The following UBR4 variants were observed in gnomAD, a reference collection of about 807,000 sequenced individuals.
UBR4 encodes the protein E3 ubiquitin-protein ligase UBR4.
A neutral mutation model predicts 575.6 loss-of-function variants in UBR4; 124 were observed. The ratio of observed to expected loss-of-function variants is 0.22; its 90% CI spans 0.19 to 0.25. UBR4 has a LOEUF of 0.25. Ranked by LOEUF, UBR4 falls within the 10% of genes least tolerant of loss-of-function variation. The pLI is 1.00. For synonymous variants in UBR4, 2,455 were observed against 2,473.7 expected, an observed-to-expected ratio of 0.99 and a Z score of 0.22; for missense variants, 4,818 against 6,478.8, an observed-to-expected ratio of 0.74 and a Z score of 8.80.
Position 19,164,872 on chromosome 1 carries a change from C to A in UBR4, c.4438G>T (p.Asp1480Tyr), listed in dbSNP as rs942136424. The A allele has an allele frequency of 6.2e-6, 10 of 1,614,122 alleles. No individual in the cohort carries two copies. The highest frequency in any genetic ancestry group is 8.5e-6 in the Non-Finnish European group (10 of 1,180,016). ...RMTTSPPKDSDQLDVIQENRQ... is the reference protein window; with the variant it reads ...RMTTSPPKDSYQLDVIQENRQ... The stretch of plus-strand genomic sequence containing the variant: ...TTCTCCTGAATTACATCCAGCTGAT[C>A]AGAATCTTTTGGGGGCGATGTAGTC... Residue 1480 changes from aspartate (D) to tyrosine (Y), a missense_variant, in exon 32 of 106, where the codon GAT becomes TAT. Physicochemically the swap from Asp to Tyr is radical, Grantham distance 160. Transcript: ENST00000375254.
rs371927223 is a variant in UBR4, at chr1:19,112,854, G to A, written c.11471C>T (p.Ser3824Leu). The A allele has an allele frequency of 3.8e-6, 6 of 1,581,078 alleles. No individual in the cohort carries two copies. The highest frequency in any genetic ancestry group is 5.2e-6 in the Non-Finnish European group (6 of 1,159,360). Residue 3824 changes from serine to leucine, a missense_variant, in exon 78 of 106, where the codon TCG (serine) becomes TTG (leucine). Ser to Leu is a moderately radical substitution (Grantham distance 145). Transcript: ENST00000375254. ...LSKIIQKVFA[S>L]RKELLEYDLQ... The stretch of plus-strand genomic sequence containing the variant: ...GTCATATTCCAACAACTCTTTGCGC[G>A]AAGCAAAGACTTTCTAAGAACAAAA...
rs1328712492 is a variant in UBR4 at position 19,139,667 on chromosome 1, A to T, written c.8594-447T>A. Among the ~76,000 whole-genome samples the T allele has an allele frequency of 6.6e-6, 1 of 152,232 alleles. No homozygotes were observed. Among genetic ancestry groups the T allele is most frequent in the East Asian group, 1.9e-4 (1 of 5,204 alleles). On this transcript the variant is annotated intron_variant, in intron 58 of 105. Transcript: ENST00000375254. This position sits in a 1 kb window ranked among gnomAD's most constrained non-coding sequence, Gnocchi z 4.2. ...TCAAAGCATAGAACTCTGAATTTTA[A>T]TGAGACTTGTTTTGAAATCAGTCAA...
At chr1:19,174,834 G>A (rs147250663) in intron 21 of UBR4, 120 bp downstream of exon 21, 69 of 922,274 alleles carry the variant, frequency 7.5e-5, no homozygotes, top group Non-Finnish European at 9.7e-5. Context: ...AGCTCAAATC[G>A]TAACACAGAC....
At position 19,149,741 on chromosome 1, in the gene UBR4, A is replaced by T. The variant is rs895222700; in HGVS notation, c.7430+836T>A. On this transcript the variant is annotated intron_variant, in intron 49 of 105. Coordinates refer to ENST00000375254, the MANE Select transcript of UBR4 (RefSeq NM_020765.3). ...CTGACACACACTCACTCGTGCAGAG[A>T]AAAGAAAGAGGGCATACTAACCGGT... is the stretch of plus-strand genomic sequence containing the variant. 5 of 1,301,808 alleles carry T rather than the reference A, an allele frequency of 3.8e-6. No individual in the cohort carries two copies. In the African/African-American group the frequency reaches 7.6e-5, roughly 20 times the overall value. 80.6% of individuals were successfully genotyped at this position (1,301,808 alleles called of 1,614,324 possible).
intron 88 of UBR4, among the ~76,000 whole-genome samples, chr1:19,101,161 A>T (rs2078595188): frequency 6.6e-6 from 1 of 152,232 alleles, no homozygotes; most frequent in African/African-American, 2.4e-5. Flanking sequence ...GGGCAGCTAA[A>T]GAAGGAAGAG....
At chr1:19,196,158 G>C (rs754978012) in intron 8 of UBR4, among the ~76,000 whole-genome samples, 4 of 152,072 alleles carry the variant, frequency 2.6e-5, no homozygotes, top group Non-Finnish European at 5.9e-5. Flanking sequence ...TTTCTCAACT[G>C]AAAGTGAGCT....
At chr1:19,164,475 T>G in intron 32 of UBR4, 34 bp from the exon 33 acceptor site, 1 of 1,591,020 alleles carries the variant, frequency 6.3e-7, no homozygotes, top group Non-Finnish European at 8.6e-7. Flanking sequence ...TGGTGAATAA[T>G]CAACAGGAAT....
intron 62 of UBR4, 134 bp from the exon 63 acceptor site, chr1:19,127,873 C>A: frequency 1.4e-6 from 1 of 714,668 alleles, no homozygotes; most frequent in Non-Finnish European, 2.4e-6. Flanking sequence ...AAACAACCCC[C>A]AGTATATCCA....
chr1:19,099,015 G>A (rs1287732163), intron 90 of UBR4, among the ~76,000 whole-genome samples: 1 of 152,182 alleles, frequency 6.6e-6, no homozygotes, highest in African/African-American at 2.4e-5. Context: ...AGGGAAAGGT[G>A]AAGGGGACCA....
chr1:19,168,654 T>A (rs1045805100), intron 27 of UBR4, among the ~76,000 whole-genome samples: 3 of 152,108 alleles, frequency 2.0e-5, no homozygotes, highest in Non-Finnish European at 4.4e-5. Flanking sequence ...GAGCAGAGGA[T>A]ATACAAAGAG....
intron 34 of UBR4, 79 bp from the exon 35 acceptor site, chr1:19,162,690 TA>T (rs2087580781): frequency 6.9e-7 from 1 of 1,455,958 alleles, no homozygotes; most frequent in African/African-American, 1.4e-5. Flanking sequence ...CTTTTTCAAA[TA>T]AAGCTCAAGA....
chr1:19,171,196 T>C (rs1234410597), intron 25 of UBR4, among the ~76,000 whole-genome samples: 2 of 130,384 alleles, frequency 1.5e-5, no homozygotes, highest in Non-Finnish European at 3.2e-5. Flanking sequence ...CTGAATACTA[T>C]ATTTTTTAAA....
At chr1:19,181,642 C>T (rs1192683654) in intron 17 of UBR4, among the ~76,000 whole-genome samples, 1 of 152,114 alleles carries the variant, frequency 6.6e-6, no homozygotes, top group Non-Finnish European at 1.5e-5. Context: ...GTACCTGGCA[C>T]ATAGTAGGTG....
At position 19,086,750 on chromosome 1, in the gene UBR4, C is replaced by G; in HGVS notation, c.14616G>C (p.Arg4872=). 6.2e-7 allele frequency: 1 copy of G among 1,614,220 alleles called. No homozygotes were observed. Among genetic ancestry groups the G allele is most frequent in the Non-Finnish European group, 8.5e-7 (1 of 1,180,030 alleles). The change falls in exon 100 of 106, where the codon CGG becomes CGC. Residue 4872 remains arginine (R), a synonymous_variant. Transcript: ENST00000375254. ...ACACGGTGCTGTAGCCCTGCTGTTT[C>G]CGGGGCTTATTCTCCATCTCCTCCA... The part of the protein sequence containing the change: ...VALEEMENKP[R]KQQGYSTVSH...
chr1:19,095,193 C>T (rs1321126554), intron 93 of UBR4, among the ~76,000 whole-genome samples, 168 bp from the exon 94 acceptor site: 2 of 152,194 alleles, frequency 1.3e-5, no homozygotes, highest in Non-Finnish European at 2.9e-5. Flanking sequence ...GGGAGACAAG[C>T]GTGTGAGCTT....
At position 19,164,377 on chromosome 1, in the gene UBR4, G is replaced by C; in HGVS notation, c.4576C>G (p.Leu1526Val). The C allele has an allele frequency of 6.2e-7, 1 of 1,614,190 alleles. No individual in the cohort carries two copies. Among genetic ancestry groups the C allele is most frequent in the East Asian group, 2.2e-5 (1 of 44,872 alleles). ...AAGCCAGTCCCATCACCGTTGGCCA[G>C]CATCTCTGTTGCCATGGGAGTCAGG... is the stretch of plus-strand genomic sequence containing the variant. ...GTLTPMATEM[L>V]ANGDGTGFPE... Residue 1526 changes from leucine (L) to valine (V), a missense_variant, in exon 33 of 106, where the codon CTG (leucine) becomes GTG (valine). Physicochemically the swap from Leu to Val is conservative, Grantham distance 32. Transcript: ENST00000375254.
In UBR4 at chr1:19,173,325, A is replaced by G; in HGVS notation, c.3166-19T>C. On this transcript the variant is annotated intron_variant, in intron 23 of 105. Transcript: ENST00000375254. ...GGTGATCCTATTTGGACAGCAAGAAAAAGTGTTTAGGAGATGACTATAGGC... is the reference window on the plus strand; with the variant it reads ...GGTGATCCTATTTGGACAGCAAGAAGAAGTGTTTAGGAGATGACTATAGGC... The G allele has an allele frequency of 1.2e-6, 2 of 1,614,002 alleles. No homozygotes were observed. Among genetic ancestry groups the G allele is most frequent in the Non-Finnish European group, 8.5e-7 (1 of 1,179,964 alleles).
chr1:19,105,537 C>T (rs529297528), intron 84 of UBR4, among the ~76,000 whole-genome samples, 196 bp downstream of exon 84: 1 of 152,342 alleles, frequency 6.6e-6, no homozygotes, highest in Admixed American at 6.5e-5. Context: ...TTAGCTGCTG[C>T]TGCTGCTAAC....
At chr1:19,131,240 A>T (rs67443992) in intron 60 of UBR4, among the ~76,000 whole-genome samples, 22,173 of 124,590 alleles carry the variant, frequency 0.18, 2,083 homozygotes, top group African/African-American at 0.23. Context: ...TACTCTTGAA[A>T]CTTAAAAAAA....
Sources: gnomAD v4.1 joint callset for allele counts (sites outside exome capture counted in the v4.1 genomes callset) on GRCh38, gnomAD v4.1.1 for gene constraint, Gnocchi (gnomAD v3.1) non-coding constraint, MANE v1.5 for transcripts, NCBI Gene and HGNC (gene_info 2026-07-23, HGNC 2026-07-21) for gene names.